The following KLHL1 variants were observed in gnomAD, a reference collection of about 807,000 sequenced individuals.
KLHL1 encodes kelch like family member 1, also known as kelch-like protein 1.
Under a neutral mutation model 77.7 loss-of-function variants are expected in KLHL1, and 47 were observed. The observed-to-expected ratio is 0.60, with a 90% confidence interval of 0.48 to 0.77. KLHL1 has a LOEUF of 0.77. Among genes scored for constraint, KLHL1 ranks in the 30% least tolerant of loss-of-function variants. The pLI, the probability that KLHL1 is intolerant of heterozygous loss-of-function variation, is 0.00. For missense variants in KLHL1, 925 were observed against 910.8 expected (o/e 1.02, Z -0.20); for synonymous variants, 360 against 325.2 (o/e 1.11, Z -1.15).
At chr13:69,962,113 A>G (rs979783990) in intron 2 of KLHL1, among the ~76,000 whole-genome samples, 2 of 152,042 alleles carry the variant, frequency 1.3e-5, no homozygotes, top group Non-Finnish European at 2.9e-5. Context: ...AGTATAAAAT[A>G]TCTATCCCTA....
At chr13:69,914,600 C>T (rs1882356799) in intron 4 of KLHL1, among the ~76,000 whole-genome samples, 1 of 152,076 alleles carries the variant, frequency 6.6e-6, no homozygotes, top group Non-Finnish European at 1.5e-5. Context: ...TGTTATTTTG[C>T]CAGATAATGA....
At chr13:70,007,092 AG>A (rs1439471898) in intron 1 of KLHL1, among the ~76,000 whole-genome samples, 2 of 152,014 alleles carry the variant, frequency 1.3e-5, no homozygotes, top group Non-Finnish European at 2.9e-5. Context: ...CATCTTTCAT[AG>A]GTTTCAAGGG....
chr13:69,900,921 C>G (rs1314579349), intron 4 of KLHL1, among the ~76,000 whole-genome samples: 1 of 152,112 alleles, frequency 6.6e-6, no homozygotes, highest in Admixed American at 6.6e-5. Flanking sequence ...CTTTCCTGTT[C>G]CCCCTCAAAT....
At chr13:69,977,252 T>A (rs1377767679) in intron 1 of KLHL1, among the ~76,000 whole-genome samples, 1 of 152,042 alleles carries the variant, frequency 6.6e-6, no homozygotes, top group East Asian at 1.9e-4. Flanking sequence ...TTCGAATATA[T>A]GGATCACAAT....
chr13:70,009,554 C>T (rs866957484), intron 1 of KLHL1, among the ~76,000 whole-genome samples: 2 of 152,032 alleles, frequency 1.3e-5, no homozygotes, highest in African/African-American at 2.4e-5. Flanking sequence ...TACCTTCCAG[C>T]GATGCGACTA....
chr13:70,013,964 T>C (rs920440569), intron 1 of KLHL1, among the ~76,000 whole-genome samples: 1 of 152,124 alleles, frequency 6.6e-6, no homozygotes, highest in Admixed American at 6.6e-5. Context: ...CAATTCTCTG[T>C]AGAACAGGTT....
At chr13:69,828,007 T>C (rs1426453970) in intron 6 of KLHL1, among the ~76,000 whole-genome samples, 3 of 150,224 alleles carry the variant, frequency 2.0e-5, no homozygotes, top group Non-Finnish European at 4.4e-5. Context: ...TATATGTCAT[T>C]GATGTGAAAA....
intron 1 of KLHL1, among the ~76,000 whole-genome samples, chr13:70,022,819 A>C (rs1470484878): frequency 2.0e-5 from 3 of 151,930 alleles, no homozygotes; most frequent in Non-Finnish European, 2.9e-5. Context: ...TTAATGCCTT[A>C]ATCTCATGCC....
intron 1 of KLHL1, among the ~76,000 whole-genome samples, chr13:70,065,267 CT>C (rs900620831): frequency 1.1e-4 from 17 of 152,076 alleles, no homozygotes; most frequent in Non-Finnish European, 2.2e-4. Context: ...ATTGACCATA[CT>C]TTTTTTTGCA....
rs778584096 is a variant in KLHL1, at chr13:69,740,570, T to C, written c.1640-14A>G. ...GTACTGTTACACCTAAAATATTAGA[T>C]AAATGAATGTAGTGCCTATAGTTAA... On this transcript the variant is annotated splice_polypyrimidine_tract_variant and intron_variant, in intron 7 of 10. Coordinates refer to ENST00000377844, the MANE Select transcript of KLHL1 (RefSeq NM_020866.3). The C allele has an allele frequency of 1.3e-6, 2 of 1,585,598 alleles. No homozygotes were observed. The highest frequency in any genetic ancestry group is 1.7e-6 in the Non-Finnish European group (2 of 1,159,404).
chr13:69,988,320 T>G (rs1884931945), intron 1 of KLHL1, among the ~76,000 whole-genome samples: 1 of 152,186 alleles, frequency 6.6e-6, no homozygotes, highest in African/African-American at 2.4e-5. Flanking sequence ...TTGCATACTA[T>G]TAAATGGTGT....
At chr13:69,771,737 A>C (rs557653612) in intron 7 of KLHL1, among the ~76,000 whole-genome samples, 16 of 152,216 alleles carry the variant, frequency 1.1e-4, no homozygotes, top group Middle Eastern at 3.4e-3. Flanking sequence ...GATCAGATTG[A>C]ATTGTCTTAT....
intron 1 of KLHL1, among the ~76,000 whole-genome samples, chr13:70,065,083 A>G (rs1886975418): frequency 6.6e-6 from 1 of 152,114 alleles, no homozygotes; most frequent in African/African-American, 2.4e-5. Flanking sequence ...TCCAGACTTG[A>G]TACTCTAACC....
At chr13:69,744,050 T>C (rs1181091608) in intron 7 of KLHL1, among the ~76,000 whole-genome samples, 3 of 152,230 alleles carry the variant, frequency 2.0e-5, no homozygotes, top group South Asian at 4.2e-4. Flanking sequence ...TAGAGGTATA[T>C]GTAAAAGTGT....
At chr13:70,101,949 G>C (rs1446358947) in intron 1 of KLHL1, among the ~76,000 whole-genome samples, 1 of 105,436 alleles carries the variant, frequency 9.5e-6, no homozygotes, top group Non-Finnish European at 1.8e-5. Context: ...GGATAAAGTA[G>C]CAAAAAAAAA....
chr13:69,798,993 G>A (rs548683343), intron 6 of KLHL1, among the ~76,000 whole-genome samples: 1 of 152,178 alleles, frequency 6.6e-6, no homozygotes, highest in East Asian at 1.9e-4. Flanking sequence ...GGAGGCTAAG[G>A]CAAGAGAATC....
chr13:69,804,597 A>T (rs1877535152), intron 6 of KLHL1, among the ~76,000 whole-genome samples: 1 of 152,180 alleles, frequency 6.6e-6, no homozygotes, highest in Admixed American at 6.5e-5. Context: ...CTTCCAAGCC[A>T]TTTTACAAAC....
At chr13:70,023,140 A>C (rs978664222) in intron 1 of KLHL1, among the ~76,000 whole-genome samples, 2 of 151,936 alleles carry the variant, frequency 1.3e-5, no homozygotes, top group Non-Finnish European at 2.9e-5. Flanking sequence ...TAAAACAGAT[A>C]ACATTATCAC....
intron 1 of KLHL1, among the ~76,000 whole-genome samples, chr13:70,031,706 AGAAACAG>A (rs1886106860): frequency 6.6e-6 from 1 of 152,196 alleles, no homozygotes; most frequent in Non-Finnish European, 1.5e-5. Context: ...TTTTTGACAG[AGAAACAG>A]GCACAAAGGC....
Sources: allele counts gnomAD v4.1 joint callset (sites outside exome capture counted in the v4.1 genomes callset), GRCh38; gene constraint gnomAD v4.1.1; transcripts MANE v1.5; gene names NCBI Gene and HGNC (gene_info 2026-07-23, HGNC 2026-07-21).